GABBR2: variants seen among roughly 807,000 people sequenced by gnomAD.
GABBR2 encodes the protein gamma-aminobutyric acid type B receptor subunit 2.
Under a neutral mutation model 105.6 loss-of-function variants are expected in GABBR2, and 23 were observed. The observed-to-expected ratio is 0.22, with a 90% confidence interval of 0.16 to 0.31. The LOEUF is 0.31. Among genes scored for constraint, GABBR2 ranks in the 10% least tolerant of loss-of-function variants. GABBR2 has a pLI of 1.00. For synonymous variants in GABBR2, 478 were observed against 499.7 expected (o/e 0.96, Z 0.58); for missense variants, 734 against 1,245.5 (o/e 0.59, Z 6.18).
rs745672188 is a variant in GABBR2, at chr9:98,473,289, C to T, written c.856G>A (p.Glu286Lys). The T allele has an allele frequency of 3.7e-6, 6 of 1,613,694 alleles. No individual in the cohort carries two copies. Among genetic ancestry groups the T allele is most frequent in the Admixed American group, 3.3e-5 (2 of 59,990 alleles). Residue 286 changes from glutamate to lysine, a missense_variant, in exon 6 of 19, where the codon GAG becomes AAG. Glu to Lys is a moderately conservative substitution (Grantham distance 56). This residue lies in a region of GABBR2 where 370 missense variants were observed against 648.9 expected (regional missense o/e 0.57). Coordinates refer to ENST00000259455, the MANE Select transcript of GABBR2 (RefSeq NM_005458.8). Reference protein sequence around the residue: ...KYQWIIPGWYEPSWWEQVHTE... With the variant: ...KYQWIIPGWYKPSWWEQVHTE... ...TGCACCTGCTCCCACCAAGAAGGCT[C>T]GTACCAGCCCGGAATGATCCACTGA...
At position 98,298,960 on chromosome 9, in the gene GABBR2, T is replaced by C. The variant is rs192571291; in HGVS notation, c.2542+264A>G. 3.9e-3 allele frequency among the ~76,000 whole-genome samples: 588 copies of C among 152,338 alleles called. 7 individuals are homozygous for C. Among genetic ancestry groups the C allele is most frequent in the Middle Eastern group, 0.027 (8 of 294 alleles). ...CTGCCCCCAGTCAGGACACTGGGAA[T>C]GCTGGCCCCACTGTGTAGGTGTGGA... is the stretch of plus-strand genomic sequence containing the variant. On this transcript the variant is annotated intron_variant, in intron 17 of 18. Transcript: ENST00000259455.
intron 1 of GABBR2, among the ~76,000 whole-genome samples, chr9:98,637,064 C>T (rs1829889008): frequency 6.6e-6 from 1 of 152,262 alleles, no homozygotes; most frequent in South Asian, 2.1e-4. Flanking sequence ...AAGGGCAACC[C>T]ATCCCAACTT....
intron 7 of GABBR2, among the ~76,000 whole-genome samples, chr9:98,441,220 TATG>T (rs1401985703): frequency 6.6e-6 from 1 of 152,198 alleles, no homozygotes; most frequent in Non-Finnish European, 1.5e-5. Flanking sequence ...GCAAACTACC[TATG>T]ATATCTTTAA....
intron 1 of GABBR2, among the ~76,000 whole-genome samples, chr9:98,587,216 AT>A: frequency 6.6e-6 from 1 of 151,974 alleles, no homozygotes; most frequent in Admixed American, 6.6e-5. Flanking sequence ...AACTTTGCCC[AT>A]TTTTCTACTG....
At chr9:98,590,574 C>A (rs778651636) in intron 1 of GABBR2, among the ~76,000 whole-genome samples, 7 of 152,216 alleles carry the variant, frequency 4.6e-5, no homozygotes, top group Non-Finnish European at 8.8e-5. Context: ...AAAGTGTACT[C>A]GGGCTGCCGA....
intron 13 of GABBR2, among the ~76,000 whole-genome samples, chr9:98,329,686 T>C (rs540972442): frequency 6.6e-6 from 1 of 152,344 alleles, no homozygotes; most frequent in East Asian, 1.9e-4. Flanking sequence ...TGTCCCTCTA[T>C]CAGAGTGCTT....
chr9:98,557,291 C>T lies in GABBR2; in HGVS notation c.460-15248G>A, dbSNP rs115503043. ...TGAACACCTTCCTACCTCCAGTCTA[C>T]GCAGGGGGTGTCTCCCCTACTGCAC... On this transcript the variant is annotated intron_variant, in intron 2 of 18. Coordinates refer to ENST00000259455, the MANE Select transcript of GABBR2 (RefSeq NM_005458.8). Among the ~76,000 whole-genome samples, 598 of 152,214 alleles carry T rather than the reference C, an allele frequency of 3.9e-3. 4 individuals are homozygous for T. Among genetic ancestry groups the T allele is most frequent in the African/African-American group, 0.013 (554 of 41,502 alleles).
At chr9:98,341,859 A>T (rs532851563) in intron 13 of GABBR2, among the ~76,000 whole-genome samples, 39 of 152,350 alleles carry the variant, frequency 2.6e-4, no homozygotes, top group African/African-American at 8.9e-4. Context: ...CAACTCGGCA[A>T]AGACATTTCT....
chr9:98,703,259 T>G (rs1326373770), intron 1 of GABBR2, among the ~76,000 whole-genome samples: 2 of 152,178 alleles, frequency 1.3e-5, no homozygotes, highest in African/African-American at 4.8e-5. Flanking sequence ...GAGGAAGATA[T>G]TTTTAAAGAT....
intron 3 of GABBR2, among the ~76,000 whole-genome samples, chr9:98,501,543 C>T (rs1332814698): frequency 1.3e-5 from 2 of 152,178 alleles, no homozygotes; most frequent in Non-Finnish European, 2.9e-5. Flanking sequence ...CAGACCACAC[C>T]TTGAGCACTG....
chr9:98,598,909 T>G (rs1335977649), intron 1 of GABBR2, among the ~76,000 whole-genome samples: 1 of 81,836 alleles, frequency 1.2e-5, no homozygotes, highest in East Asian at 2.9e-4. Flanking sequence ...TGGTTTTCAC[T>G]CTGTCTTTTA....
In GABBR2 at chr9:98,514,143, C is replaced by G. The variant is rs563283931; in HGVS notation, c.631-17629G>C. On this transcript the variant is annotated intron_variant, in intron 3 of 18. Coordinates refer to ENST00000259455, the MANE Select transcript of GABBR2 (RefSeq NM_005458.8). ...ATTGGAAATCATCATTCTCAGTAAA[C>G]TATCGCAAGAACAAAAAACCAAACA... Among the ~76,000 whole-genome samples the G allele has an allele frequency of 1.5e-5, 2 of 132,666 alleles. 1 individual carries two copies. The highest frequency in any genetic ancestry group is 3.5e-5 in the Non-Finnish European group (2 of 57,920). 87.0% of individuals were successfully genotyped at this position (132,666 alleles called of 152,430 possible).
At chr9:98,298,581 A>G (rs1250952343) in intron 17 of GABBR2, among the ~76,000 whole-genome samples, 1 of 151,928 alleles carries the variant, frequency 6.6e-6, no homozygotes, top group Non-Finnish European at 1.5e-5. Flanking sequence ...AACCTTTAAA[A>G]TTTTTTTTCT....
At chr9:98,708,314 C>A in intron 1 of GABBR2, 103 bp downstream of exon 1, 2 of 1,175,732 alleles carry the variant, frequency 1.7e-6, no homozygotes, top group Non-Finnish European at 2.2e-6. Flanking sequence ...AGGCGCGGGC[C>A]GGTCAATCGG....
At chr9:98,375,932 T>C (rs1831865056) in intron 11 of GABBR2, among the ~76,000 whole-genome samples, 1 of 152,264 alleles carries the variant, frequency 6.6e-6, no homozygotes, top group Non-Finnish European at 1.5e-5. Flanking sequence ...AAGTCTCTAC[T>C]GGTTCGTCAA....
chr9:98,370,605 G>A (rs1259835209), intron 12 of GABBR2, among the ~76,000 whole-genome samples: 1 of 152,188 alleles, frequency 6.6e-6, no homozygotes, highest in Non-Finnish European at 1.5e-5. Context: ...CCTGAGCTGG[G>A]AGAGGGAGAA....
Position 98,487,098 on chromosome 9 carries a change from G to T in GABBR2, c.733-6101C>A, listed in dbSNP as rs144074967. 9.2e-5 allele frequency among the ~76,000 whole-genome samples: 14 copies of T among 152,308 alleles called. No homozygotes were observed. In the East Asian group the frequency reaches 2.5e-3, roughly 27 times the overall value. ...TCTTTAAAGTTTATTCTTGTATCTT[G>T]AAAATTCATGTATATTTAACACTCT... On this transcript the variant is annotated intron_variant, in intron 4 of 18. Transcript: ENST00000259455.
intron 14 of GABBR2, among the ~76,000 whole-genome samples, chr9:98,307,561 C>T (rs565852734): frequency 6.6e-6 from 1 of 152,228 alleles, no homozygotes; most frequent in East Asian, 1.9e-4. Flanking sequence ...TTTAGAGATT[C>T]GATGGCAGCA....
rs73505004 is a variant in GABBR2, at chr9:98,447,010, C to T, written c.1236+6971G>A. ...TTTCCTTATTTCTGGATGGAGTTCC[C>T]GGTGCCCTGTTTCTTGTCTTTTTCT... On this transcript the variant is annotated intron_variant, in intron 7 of 18. Transcript: ENST00000259455. Among the ~76,000 whole-genome samples, 654 of 151,536 alleles carry T rather than the reference C, an allele frequency of 4.3e-3. 4 individuals carry two copies. Among genetic ancestry groups the T allele is most frequent in the Middle Eastern group, 0.017 (5 of 294 alleles).
Sources: allele counts gnomAD v4.1 joint callset (sites outside exome capture counted in the v4.1 genomes callset), GRCh38; gene constraint gnomAD v4.1.1; regional missense constraint gnomAD v4.1.1; transcripts MANE v1.5; gene names NCBI Gene and HGNC (gene_info 2026-07-23, HGNC 2026-07-21).